TMIGD3: variants seen among roughly 807,000 people sequenced by gnomAD.
TMIGD3 encodes the protein AD026 protein (AD026).
A neutral mutation model predicts 28.1 loss-of-function variants in TMIGD3; 21 were observed. The ratio of observed to expected loss-of-function variants is 0.75; its 90% CI spans 0.53 to 1.08. TMIGD3 has a LOEUF of 1.08. Ranked by LOEUF, TMIGD3 falls within the 50% of genes least tolerant of loss-of-function variation. The pLI is 0.00. For synonymous variants in TMIGD3, 151 were observed against 162.1 expected (o/e 0.93, Z 0.52); for missense variants, 416 against 435.6 (o/e 0.96, Z 0.40).
intron 2 of TMIGD3, 114 bp downstream of exon 2, chr1:111,490,542 C>T: frequency 4.1e-6 from 3 of 733,130 alleles, no homozygotes; most frequent in Non-Finnish European, 7.1e-6. Flanking sequence ...CCATCCCACT[C>T]CTTAGATGGT....
chr1:111,504,750 G>T, upstream of TMIGD3: 1 of 499,878 alleles, frequency 2.0e-6, no homozygotes. Context: ...AGACGCCTCT[G>T]CCTGGGGCTC....
chr1:111,525,906 A>C (rs1320746880), intron 1 of TMIGD3, among the ~76,000 whole-genome samples: 1 of 152,118 alleles, frequency 6.6e-6, no homozygotes, highest in Non-Finnish European at 1.5e-5. Context: ...TCTTTGGAGG[A>C]AGTATAGAAT....
chr1:111,499,119 C>A (rs1010767609), intron 1 of TMIGD3, among the ~76,000 whole-genome samples: 2 of 149,278 alleles, frequency 1.3e-5, no homozygotes, highest in Non-Finnish European at 1.5e-5. Context: ...AAGAAAGAAA[C>A]AAAAGAAAAG....
rs1306397579 is a variant in TMIGD3 at position 111,502,295 on chromosome 1, G to A, written c.350+710C>T. ...ATATATTCATTATAATAAATATATA[G>A]GATATATATTCATTATAATGAATAT... On this transcript the variant is annotated intron_variant, in intron 1 of 5. Coordinates refer to ENST00000369716, the MANE Select transcript of TMIGD3 (RefSeq NM_020683.7). Among the ~76,000 whole-genome samples, 2 of 99,806 alleles carry A rather than the reference G, an allele frequency of 2.0e-5. 1 individual carries two copies. The highest frequency in any genetic ancestry group is 3.8e-5 in the Non-Finnish European group (2 of 52,992). 65.5% of individuals were successfully genotyped at this position (99,806 alleles called of 152,430 possible). A position where few individuals can be genotyped will look rare whatever the true frequency, so the allele number is the denominator to read the frequency against.
chr1:111,506,155 T>C (rs1655482810), upstream of TMIGD3, among the ~76,000 whole-genome samples: 1 of 152,220 alleles, frequency 6.6e-6, no homozygotes, highest in Non-Finnish European at 1.5e-5. Context: ...TGTGTGTATA[T>C]GACTTCCCCG....
At chr1:111,508,763 G>A (rs1186511040) in intron 1 of TMIGD3, among the ~76,000 whole-genome samples, 2 of 152,178 alleles carry the variant, frequency 1.3e-5, no homozygotes, top group African/African-American at 4.8e-5. Context: ...AACCCCACAA[G>A]GCAGGTATCA....
intron 1 of TMIGD3, among the ~76,000 whole-genome samples, chr1:111,539,377 A>G (rs936384866): frequency 2.6e-5 from 4 of 152,122 alleles, no homozygotes; most frequent in Non-Finnish European, 5.9e-5. Flanking sequence ...GGCTCACTGC[A>G]ACCTCCATCT....
chr1:111,518,924 T>C (rs1250471379), intron 1 of TMIGD3, among the ~76,000 whole-genome samples: 1 of 148,842 alleles, frequency 6.7e-6, no homozygotes, highest in Non-Finnish European at 1.5e-5. Flanking sequence ...TCATTTTTTG[T>C]TTGTTTGTTT....
At chr1:111,542,007 C>T (rs1214738422) in intron 1 of TMIGD3, among the ~76,000 whole-genome samples, 2 of 151,936 alleles carry the variant, frequency 1.3e-5, no homozygotes, top group Non-Finnish European at 2.9e-5. Flanking sequence ...ACCAGGAACA[C>T]CATTCATTCC....
intron 1 of TMIGD3, among the ~76,000 whole-genome samples, chr1:111,562,711 C>T (rs1399564470): frequency 6.6e-6 from 1 of 152,210 alleles, no homozygotes; most frequent in Non-Finnish European, 1.5e-5. Context: ...TAAATTGCCT[C>T]TATATTGCTG....
chr1:111,490,731 G>T lies in TMIGD3; in HGVS notation c.382C>A (p.Leu128Ile). ...AAGCAAACTTTCAACTGGAATGATA[G>T]AATGCACCCAGGGAGCCCAGGAATT... ...FRIPGLPGCI[L>I]SFQLKVCFLP... Residue 128 changes from leucine to isoleucine, a missense_variant, in exon 2 of 6, where the codon CTA (leucine) becomes ATA (isoleucine). By Grantham distance (5) the Leu-to-Ile change is conservative. Transcript: ENST00000369716. 6.2e-7 allele frequency: 1 copy of T among 1,614,032 alleles called. No homozygotes were observed.
At chr1:111,488,635 G>T in intron 3 of TMIGD3, 42 bp downstream of exon 3, 1 of 1,554,520 alleles carries the variant, frequency 6.4e-7, no homozygotes. Context: ...AACACCCATG[G>T]CTGTGGGTTA....
chr1:111,489,009 T>A lies in TMIGD3; in HGVS notation c.473A>T (p.Asp158Val). The A allele has an allele frequency of 1.9e-6, 3 of 1,610,670 alleles. No individual in the cohort carries two copies. The highest frequency in any genetic ancestry group is 2.5e-6 in the Non-Finnish European group (3 of 1,177,484). ...LALISDAMVM[D>V]EKVKRSFVLD... ...CACAAAGCTTCTCTTGACCTTTTCATCCATGACCATGGCATCTGTGAAAAC... is the reference window on the plus strand; with the variant it reads ...CACAAAGCTTCTCTTGACCTTTTCAACCATGACCATGGCATCTGTGAAAAC... The change falls in exon 3 of 6, where the codon GAT becomes GTT. Residue 158 changes from aspartate to valine, a missense_variant. Asp to Val is a radical substitution (Grantham distance 152). Transcript: ENST00000369716.
At chr1:111,489,600 G>T (rs547090404) in intron 2 of TMIGD3, 1 of 1,132,582 alleles carries the variant, frequency 8.8e-7, no homozygotes, top group South Asian at 1.9e-5. Flanking sequence ...CTGGCCTAAG[G>T]GTGGGTGAAA....
upstream of TMIGD3, among the ~76,000 whole-genome samples, chr1:111,506,913 T>TATTA (rs10653520): frequency 2.9e-3 from 358 of 121,844 alleles, 1 homozygote; most frequent in African/African-American, 7.4e-3. Context: ...TATATATATA[T>TATTA]TATATATATA....
chr1:111,497,166 A>C (rs1654927041), intron 1 of TMIGD3, among the ~76,000 whole-genome samples: 1 of 152,150 alleles, frequency 6.6e-6, no homozygotes, highest in Non-Finnish European at 1.5e-5. Context: ...GCTGGAGTGC[A>C]GTGGCACGAT....
chr1:111,495,466 G>C (rs1654849182), intron 1 of TMIGD3, among the ~76,000 whole-genome samples: 2 of 152,162 alleles, frequency 1.3e-5, no homozygotes, highest in Non-Finnish European at 2.9e-5. Context: ...AAAAATAAGA[G>C]ATACCAGTGA....
intron 1 of TMIGD3, among the ~76,000 whole-genome samples, chr1:111,532,727 T>A (rs1249727285): frequency 5.9e-5 from 9 of 152,198 alleles, no homozygotes; most frequent in Non-Finnish European, 1.2e-4. Context: ...ATGGTCTCTG[T>A]GGGACACCAC....
intron 1 of TMIGD3, among the ~76,000 whole-genome samples, chr1:111,517,434 C>T (rs568535772): frequency 6.6e-6 from 1 of 152,082 alleles, no homozygotes; most frequent in South Asian, 2.1e-4. Context: ...TTTGTTGCAG[C>T]CAAGCTACTA....
Sources: allele counts gnomAD v4.1 joint callset (sites outside exome capture counted in the v4.1 genomes callset), GRCh38; gene constraint gnomAD v4.1.1; transcripts MANE v1.5; gene names NCBI Gene and HGNC (gene_info 2026-07-23, HGNC 2026-07-21).